The following CBLC variants were observed in gnomAD, a reference collection of about 807,000 sequenced individuals.
CBLC encodes the protein E3 ubiquitin-protein ligase CBL-C.
In CBLC, 46 loss-of-function variants were observed where a neutral mutation model predicts 58.6. That is an observed-to-expected ratio of 0.79 (90% confidence interval 0.62 to 1.00). The LOEUF (loss-of-function observed/expected upper bound fraction) is 1.00, where lower values mean the gene tolerates loss of function less well. CBLC is among the 50% of genes least tolerant of loss of function. The pLI, the probability that CBLC is intolerant of heterozygous loss-of-function variation, is 0.00. For synonymous variants in CBLC, 271 were observed against 264.2 expected (o/e 1.03, Z -0.25); for missense variants, 655 against 625.8 (o/e 1.05, Z -0.50).
intron 5 of CBLC, among the ~76,000 whole-genome samples, chr19:44,787,263 G>A (rs965891802): frequency 2.0e-5 from 3 of 151,718 alleles, no homozygotes; most frequent in Non-Finnish European, 2.9e-5. Flanking sequence ...GCGCAGTGGC[G>A]GGCGTCTGTA....
rs769537341 is a variant in CBLC, at chr19:44,800,454, A to G, written c.*7+4A>G. ...CCTGCCCCGGCCTGAAGGCCAGGTGAGTCCATTCCCTAACCCTCCCTGGCC... is the reference window on the plus strand; with the variant it reads ...CCTGCCCCGGCCTGAAGGCCAGGTGGGTCCATTCCCTAACCCTCCCTGGCC... On this transcript the variant is annotated splice_donor_region_variant and intron_variant, in intron 10 of 10. Coordinates refer to ENST00000647358, the MANE Select transcript of CBLC (RefSeq NM_012116.4). 3.7e-6 allele frequency: 6 copies of G among 1,601,800 alleles called. No homozygotes were observed. The South Asian group carries it at 6.6e-5, about 18-fold the overall frequency.
intron 2 of CBLC, 25 bp downstream of exon 2, chr19:44,781,076 C>T (rs772426257): frequency 5.0e-6 from 8 of 1,603,784 alleles, no homozygotes; most frequent in Non-Finnish European, 6.8e-6. Flanking sequence ...GTCCTCAGCT[C>T]CCGGAGCCCC....
At position 44,781,294 on chromosome 19, in the gene CBLC, C is replaced by T. The variant is rs761624108; in HGVS notation, c.588C>T (p.Thr196=). 1.0e-4 allele frequency: 168 copies of T among 1,613,446 alleles called. 3 individuals are homozygous for T. The South Asian group carries it at 1.2e-3, about 12-fold the overall frequency. ...GCTGCACAGCCCTGGCCTTGCGCAC[C>T]ACCATTGACCTCACCTGCAGCGGGC... ...EPGCTALALR[T]TIDLTCSGHV... is the part of the protein sequence containing the mutation. The change falls in exon 3 of 11, where the codon ACC becomes ACT. Residue 196 remains threonine, a synonymous_variant. Coordinates refer to ENST00000647358, the MANE Select transcript of CBLC (RefSeq NM_012116.4).
At chr19:44,790,126 C>A in intron 6 of CBLC, 35 bp downstream of exon 6, 9 of 1,511,190 alleles carry the variant, frequency 6.0e-6, no homozygotes, top group Non-Finnish European at 8.3e-6. Flanking sequence ...GTCCCAGTTC[C>A]CTGACCCTGC....
intron 9 of CBLC, among the ~76,000 whole-genome samples, chr19:44,799,069 T>C (rs1253651045): frequency 6.6e-6 from 1 of 152,172 alleles, no homozygotes; most frequent in African/African-American, 2.4e-5. Flanking sequence ...GGACATTTCC[T>C]TGTTCAGGAG....
Position 44,788,143 on chromosome 19 carries a change from G to T in CBLC, c.918-1861G>T, listed in dbSNP as rs954494735. On this transcript the variant is annotated intron_variant, in intron 5 of 10. Transcript: ENST00000647358. ...TGGTTCTTTTTTTTTCTGTGACAGGGTCTCACTGTCACCCAGGCTGGAGTG... is the reference window on the plus strand; with the variant it reads ...TGGTTCTTTTTTTTTCTGTGACAGGTTCTCACTGTCACCCAGGCTGGAGTG... Among the ~76,000 whole-genome samples the T allele has an allele frequency of 2.0e-5, 3 of 151,682 alleles. No individual in the cohort carries two copies. The South Asian group carries it at 6.2e-4, about 32-fold the overall frequency.
chr19:44,798,381 A>C (rs1968221311), intron 9 of CBLC, among the ~76,000 whole-genome samples: 1 of 151,918 alleles, frequency 6.6e-6, no homozygotes, highest in Admixed American at 6.6e-5. Context: ...AGTCATCTCT[A>C]ACCTGAGTCA....
upstream of CBLC, chr19:44,777,884 G>T: frequency 6.9e-7 from 1 of 1,444,742 alleles, no homozygotes; most frequent in Non-Finnish European, 9.0e-7. Context: ...GGGCGAGGCC[G>T]CCCCTATCCC....
intron 5 of CBLC, among the ~76,000 whole-genome samples, chr19:44,786,725 C>T (rs1305801037): frequency 1.3e-5 from 2 of 152,188 alleles, no homozygotes; most frequent in African/African-American, 2.4e-5. Flanking sequence ...ACAACACACA[C>T]GTTTTCTCCA....
chr19:44,781,276 A>G lies in CBLC; in HGVS notation c.570A>G (p.Thr190=), dbSNP rs767278571. The stretch of plus-strand genomic sequence containing the variant: ...GCCACCCTGTGGAACCAGGCTGCAC[A>G]GCCCTGGCCTTGCGCACCACCATTG... ...GTCHPVEPGC[T]ALALRTTIDL... The change falls in exon 3 of 11, where the codon ACA becomes ACG. Residue 190 remains threonine, a synonymous_variant. Transcript: ENST00000647358. 6.2e-7 allele frequency: 1 copy of G among 1,613,756 alleles called. No individual in the cohort carries two copies. The highest frequency in any genetic ancestry group is 2.2e-5 in the East Asian group (1 of 44,880).
intron 6 of CBLC, 49 bp from the exon 7 acceptor site, chr19:44,792,334 G>C: frequency 6.2e-7 from 1 of 1,605,924 alleles, no homozygotes; most frequent in East Asian, 2.2e-5. Flanking sequence ...TTGTGTCCCC[G>C]TGGCTGACGC....
At chr19:44,777,888 C>T, upstream of CBLC, 3 of 1,468,278 alleles carry the variant, frequency 2.0e-6, no homozygotes, top group Non-Finnish European at 1.8e-6. Flanking sequence ...GAGGCCGCCC[C>T]TATCCCAGCC....
rs777975775 is a variant in CBLC at position 44,781,339 on chromosome 19, C to T, written c.633C>T (p.Phe211=). The change falls in exon 3 of 11, where the codon TTC becomes TTT. Residue 211 remains phenylalanine (F), a synonymous_variant. Transcript: ENST00000647358. Reference sequence around the variant, plus strand: ...GCGGGCACGTGTCCATCTTCGAGTTCGACGTCTTCACCAGGCTCTTTCAGG... The same window carrying T: ...GCGGGCACGTGTCCATCTTCGAGTTTGACGTCTTCACCAGGCTCTTTCAGG... ...TCSGHVSIFE[F]DVFTRLFQPW... 24 of 1,611,050 alleles carry T rather than the reference C, an allele frequency of 1.5e-5. No homozygotes were observed. The highest frequency in any genetic ancestry group is 5.0e-5 in the Admixed American group (3 of 59,992).
At position 44,792,661 on chromosome 19, in the gene CBLC, G is replaced by T. The variant is rs181143065; in HGVS notation, c.1137+147G>T. ...GCTGATGGCAACCACTCAGGAGCCC[G>T]GCTGTCTTTCCCAGGGCCTCTGGTT... is the stretch of plus-strand genomic sequence containing the variant. On this transcript the variant is annotated intron_variant, in intron 7 of 10. Transcript: ENST00000647358. 90 of 746,076 alleles carry T rather than the reference G, an allele frequency of 1.2e-4. No homozygotes were observed. In the African/African-American group the frequency reaches 1.5e-3, roughly 13 times the overall value. 46.2% of individuals were successfully genotyped at this position (746,076 alleles called of 1,614,324 possible).
rs372308121 is a variant in CBLC, at chr19:44,788,935, A to G, written c.918-1069A>G. ...CACACAGTGTGTTAGTGAGAGAGCC[A>G]CTGTGGGGCCCAGGTCAGGGATCCT... On this transcript the variant is annotated intron_variant, in intron 5 of 10. Coordinates refer to ENST00000647358, the MANE Select transcript of CBLC (RefSeq NM_012116.4). Among the ~76,000 whole-genome samples, 587 of 152,348 alleles carry G rather than the reference A, an allele frequency of 3.9e-3. 6 individuals are homozygous for G. The highest frequency in any genetic ancestry group is 0.013 in the African/African-American group (557 of 41,596).
chr19:44,782,253 G>A, intron 3 of CBLC, 117 bp from the exon 4 acceptor site: 2 of 1,447,476 alleles, frequency 1.4e-6, no homozygotes, highest in Non-Finnish European at 1.9e-6. Context: ...AAAGGGATAT[G>A]CCTGAGGCCC....
At chr19:44,787,370 G>T (rs1021649564) in intron 5 of CBLC, among the ~76,000 whole-genome samples, 6 of 151,876 alleles carry the variant, frequency 4.0e-5, no homozygotes, top group Non-Finnish European at 5.9e-5. Flanking sequence ...CTTCAGCCTG[G>T]GTGACAGAAC....
Position 44,778,269 on chromosome 19 carries a change from C to G in CBLC, c.338C>G (p.Ala113Gly). Residue 113 changes from alanine (A) to glycine (G), a missense_variant, in exon 1 of 11, where the codon GCG (alanine) becomes GGG (glycine). Transcript: ENST00000647358. ...AGTGCCAACGACGAGCTCTTCCGGG[C>G]GGGCTCCAGACTCAGGTGAGCCTTC... Reference protein sequence around the residue: ...RRSANDELFRAGSRLRRQLAK... With the variant: ...RRSANDELFRGGSRLRRQLAK... 1 of 1,439,742 alleles carries G rather than the reference C, an allele frequency of 6.9e-7. No homozygotes were observed. The highest frequency in any genetic ancestry group is 9.1e-7 in the Non-Finnish European group (1 of 1,098,678). 89.2% of individuals were successfully genotyped at this position (1,439,742 alleles called of 1,614,324 possible). A position where few individuals can be genotyped will look rare whatever the true frequency, so the allele number is the denominator to read the frequency against.
In CBLC at chr19:44,782,356, C is replaced by T. The variant is rs762581924; in HGVS notation, c.658-14C>T. ...CCCTGGTCGCTCCCTGACCCAAGCC[C>T]TGCCCCACCCCAGCCATGGCCAACA... On this transcript the variant is annotated splice_polypyrimidine_tract_variant and intron_variant, in intron 3 of 10. Transcript: ENST00000647358. 4.3e-6 allele frequency: 7 copies of T among 1,613,586 alleles called. No individual in the cohort carries two copies. Among genetic ancestry groups the T allele is most frequent in the Middle Eastern group, 1.7e-4 (1 of 6,058 alleles).
Sources: gnomAD v4.1 joint callset for allele counts (sites outside exome capture counted in the v4.1 genomes callset) on GRCh38, gnomAD v4.1.1 for gene constraint, MANE v1.5 for transcripts, NCBI Gene and HGNC (gene_info 2026-07-23, HGNC 2026-07-21) for gene names.